RPS6KC1: variants seen among roughly 807,000 people sequenced by gnomAD.
RPS6KC1 encodes ribosomal protein S6 kinase C1.
Under a neutral mutation model 103.8 loss-of-function variants are expected in RPS6KC1, and 54 were observed. The ratio of observed to expected loss-of-function variants is 0.52; its 90% CI spans 0.42 to 0.65. The LOEUF (loss-of-function observed/expected upper bound fraction) is 0.65. Ranked by LOEUF, RPS6KC1 falls within the 30% of genes least tolerant of loss-of-function variation. The probability of loss-of-function intolerance (pLI) is 0.00; values close to 1 mark genes in which losing one functional copy is unlikely to be tolerated. For missense variants in RPS6KC1, 1,151 were observed against 1,253.8 expected (o/e 0.92, Z 1.24); for synonymous variants, 439 against 438.7 (o/e 1.00, Z -0.01).
the RPS6KC1 span, among the ~76,000 whole-genome samples, chr1:213,641,687 G>A: frequency 6.6e-6 from 1 of 151,586 alleles, no homozygotes; most frequent in Non-Finnish European, 1.5e-5. Context: ...CACTCTCTGT[G>A]ATCTACTCAG....
At chr1:213,787,915 T>C in the RPS6KC1 span, among the ~76,000 whole-genome samples, 1 of 152,030 alleles carries the variant, frequency 6.6e-6, no homozygotes, top group African/African-American at 2.4e-5. Context: ...AACTACACAA[T>C]AATGAGGGAG....
intron 8 of RPS6KC1, among the ~76,000 whole-genome samples, chr1:213,186,074 A>G (rs996116634): frequency 1.3e-5 from 2 of 151,620 alleles, no homozygotes; most frequent in East Asian, 1.9e-4. Flanking sequence ...TTCATTTTCT[A>G]TATTACCTGA....
chr1:213,537,184 C>T, the RPS6KC1 span, among the ~76,000 whole-genome samples: 1 of 152,144 alleles, frequency 6.6e-6, no homozygotes, highest in African/African-American at 2.4e-5. Flanking sequence ...GTGCTCCTTG[C>T]GATAGGCAGG....
intron 1 of RPS6KC1, among the ~76,000 whole-genome samples, chr1:213,064,560 G>A (rs998206099): frequency 2.7e-5 from 4 of 150,842 alleles, no homozygotes; most frequent in Non-Finnish European, 4.4e-5. Context: ...TAGAGATGGG[G>A]TTTCACCATG....
At chr1:213,482,651 C>A in the RPS6KC1 span, among the ~76,000 whole-genome samples, 1 of 144,666 alleles carries the variant, frequency 6.9e-6, no homozygotes, top group Admixed American at 7.2e-5. Flanking sequence ...TGGGCTCAAG[C>A]GACTCTCCTG....
At chr1:213,357,494 G>C in the RPS6KC1 span, among the ~76,000 whole-genome samples, 1 of 152,198 alleles carries the variant, frequency 6.6e-6, no homozygotes, top group Non-Finnish European at 1.5e-5. Context: ...GCATCTTAGC[G>C]ATGGGTCCAT....
chr1:213,654,311 A>G, the RPS6KC1 span, among the ~76,000 whole-genome samples: 1 of 152,224 alleles, frequency 6.6e-6, no homozygotes, highest in Admixed American at 6.5e-5. Flanking sequence ...ATGTTTGGAA[A>G]TGCTGAGCTG....
chr1:213,801,264 C>G, the RPS6KC1 span, among the ~76,000 whole-genome samples: 2 of 152,180 alleles, frequency 1.3e-5, no homozygotes, highest in Non-Finnish European at 1.5e-5. Flanking sequence ...AGCAGCCTCA[C>G]TCTTAAAGAA....
the RPS6KC1 span, among the ~76,000 whole-genome samples, chr1:213,782,739 A>G: frequency 1.2e-4 from 18 of 152,318 alleles, no homozygotes; most frequent in African/African-American, 3.6e-4. Context: ...AGGTCATTTC[A>G]TGAAAGTCAA....
At chr1:213,791,839 T>G in the RPS6KC1 span, among the ~76,000 whole-genome samples, 2 of 152,120 alleles carry the variant, frequency 1.3e-5, no homozygotes, top group Non-Finnish European at 2.9e-5. Flanking sequence ...TCAAGTCAGG[T>G]CCCAGTCTCC....
the RPS6KC1 span, among the ~76,000 whole-genome samples, chr1:213,691,590 C>T: frequency 2.0e-5 from 3 of 152,162 alleles, no homozygotes; most frequent in Non-Finnish European, 2.9e-5. Flanking sequence ...AGAAGTGTTT[C>T]GGTCTCCAAA....
chr1:213,578,980 A>G, the RPS6KC1 span, among the ~76,000 whole-genome samples: 55 of 152,184 alleles, frequency 3.6e-4, no homozygotes, highest in Middle Eastern at 3.4e-3. Flanking sequence ...TTCCTACACA[A>G]ATCTCATCTT....
the RPS6KC1 span, among the ~76,000 whole-genome samples, chr1:213,554,583 G>T: frequency 6.6e-6 from 1 of 152,078 alleles, no homozygotes; most frequent in Middle Eastern, 3.2e-3. Context: ...AAATTGTTCA[G>T]CCATACCCAG....
intron 1 of RPS6KC1, among the ~76,000 whole-genome samples, chr1:213,061,346 TAA>T (rs1203030012): frequency 6.6e-6 from 1 of 152,212 alleles, no homozygotes; most frequent in African/African-American, 2.4e-5. Context: ...TCCAGAGAAC[TAA>T]AAATTATAAA....
chr1:213,475,862 T>C, the RPS6KC1 span, among the ~76,000 whole-genome samples: 3 of 152,210 alleles, frequency 2.0e-5, no homozygotes, highest in Non-Finnish European at 2.9e-5. Flanking sequence ...TTTACCCTCT[T>C]CAGACAGAAA....
At chr1:213,398,834 A>G in the RPS6KC1 span, among the ~76,000 whole-genome samples, 4 of 152,076 alleles carry the variant, frequency 2.6e-5, no homozygotes, top group Non-Finnish European at 5.9e-5. Flanking sequence ...TCTTTGAGAC[A>G]TTAGACTTAG....
intron 3 of RPS6KC1, among the ~76,000 whole-genome samples, chr1:213,087,034 TA>T (rs1000667125): frequency 1.3e-5 from 2 of 151,366 alleles, no homozygotes; most frequent in African/African-American, 4.9e-5. Context: ...TAGTACTAGT[TA>T]AAAAAAAAGT....
At chr1:213,728,211 G>T in the RPS6KC1 span, among the ~76,000 whole-genome samples, 1 of 152,040 alleles carries the variant, frequency 6.6e-6, no homozygotes, top group South Asian at 2.1e-4. Flanking sequence ...GAAGCCTTTC[G>T]CAGAGACTAA....
Position 213,232,202 on chromosome 1 carries a change from A to G in RPS6KC1, c.1172A>G (p.His391Arg), listed in dbSNP as rs1265696912. 6.2e-7 allele frequency: 1 copy of G among 1,613,938 alleles called. No homozygotes were observed. The highest frequency in any genetic ancestry group is 8.5e-7 in the Non-Finnish European group (1 of 1,179,920). ...TGTGTGCCCAACATGGTGTGTCTGC[A>G]TAAGTACATCATCTCTGAGGAGTCA... is the stretch of plus-strand genomic sequence containing the variant. ...PRCVPNMVCL[H>R]KYIISEESVF... The change falls in exon 10 of 15, where the codon CAT becomes CGT. Residue 391 changes from histidine to arginine, a missense_variant. By Grantham distance (29) the His-to-Arg change is conservative (BLOSUM62 0). This residue lies in a region of RPS6KC1 where 959 missense variants were observed against 1,006.3 expected (regional missense o/e 0.95). Transcript: ENST00000366960.
Sources: gnomAD v4.1 joint callset for allele counts (sites outside exome capture counted in the v4.1 genomes callset) on GRCh38, gnomAD v4.1.1 for gene constraint, gnomAD v4.1.1 regional missense constraint, MANE v1.5 for transcripts, NCBI Gene and HGNC (gene_info 2026-07-23, HGNC 2026-07-21) for gene names.